TTL: variants seen among roughly 807,000 people sequenced by gnomAD.
TTL encodes the protein tubulin tyrosine ligase.
Under a neutral mutation model 41.1 loss-of-function variants are expected in TTL, and 10 were observed. That is an observed-to-expected ratio of 0.24 (90% CI 0.15 to 0.41). The LOEUF is 0.41. TTL is among the 10% of genes least tolerant of loss of function. TTL has a pLI of 1.00. For missense variants in TTL, 367 were observed against 460.4 expected (o/e 0.80, Z 1.86); for synonymous variants, 175 against 175.5 (o/e 1.00, Z 0.02).
intron 6 of TTL, among the ~76,000 whole-genome samples, chr2:112,523,411 TTC>T (rs1315549402): frequency 6.6e-5 from 10 of 151,964 alleles, no homozygotes; most frequent in African/African-American, 1.2e-4. Context: ...CTGTCATCCA[TTC>T]TCTGTCTGCC....
intron 5 of TTL, among the ~76,000 whole-genome samples, chr2:112,510,573 GC>G (rs1429377655): frequency 6.6e-6 from 1 of 152,086 alleles, no homozygotes; most frequent in African/African-American, 2.4e-5. Context: ...CTGGGTTCAA[GC>G]GATTCTCCTG....
In TTL at chr2:112,531,164, C is replaced by G. The variant is rs770278676; in HGVS notation, c.*2369C>G. 3 of 215,358 alleles carry G rather than the reference C, an allele frequency of 1.4e-5. No homozygotes were observed. Among genetic ancestry groups the G allele is most frequent in the Non-Finnish European group, 2.8e-5 (3 of 106,816 alleles). The allele number at this position is 215,358 out of a possible 1,614,324, so 13.3% of individuals were successfully genotyped here. ...CTGGCTTTATGTATTTATTTCTGTT[C>G]ATGCGGAATGATTGGTTCAGAACTG... On this transcript the variant is annotated 3_prime_UTR_variant, in exon 7 of 7. Transcript: ENST00000233336.
Position 112,482,544 on chromosome 2 carries a change from CCTGCG to C in TTL, c.157+45_157+49del. On this transcript the variant is annotated intron_variant, in intron 1 of 6. Transcript: ENST00000233336. The surrounding 1 kb of genome is among the most constrained non-coding windows in gnomAD (Gnocchi z 5.3). ...TCCCGTCTGCCCTCCTCGGAGCGGC[CCTGCG>C]CGCCTCCCGCGGCCCGTTAGAACCG... 6.5e-7 allele frequency: 1 copy of C among 1,536,738 alleles called. No homozygotes were observed. Among genetic ancestry groups the C allele is most frequent in the Non-Finnish European group, 8.8e-7 (1 of 1,138,900 alleles).
intron 6 of TTL, among the ~76,000 whole-genome samples, chr2:112,524,859 C>T (rs1682332600): frequency 6.6e-6 from 1 of 152,106 alleles, no homozygotes; most frequent in Non-Finnish European, 1.5e-5. Context: ...ACATGAAGTC[C>T]TTTCCCATGC....
chr2:112,496,184 C>G (rs1383177791), intron 3 of TTL, among the ~76,000 whole-genome samples: 1 of 152,168 alleles, frequency 6.6e-6, no homozygotes, highest in Non-Finnish European at 1.5e-5. Context: ...TGTGAGGACA[C>G]CTGGTGATCC....
chr2:112,494,847 C>T (rs1206907598), intron 3 of TTL, among the ~76,000 whole-genome samples: 3 of 152,078 alleles, frequency 2.0e-5, no homozygotes, highest in Non-Finnish European at 4.4e-5. Context: ...CTTGCCGTTT[C>T]CCCTGCTTCC....
intron 6 of TTL, among the ~76,000 whole-genome samples, chr2:112,524,159 A>T (rs973637215): frequency 6.6e-6 from 1 of 152,118 alleles, no homozygotes; most frequent in Non-Finnish European, 1.5e-5. Context: ...ATTCCATGGT[A>T]TATATGTGCC....
intron 5 of TTL, among the ~76,000 whole-genome samples, chr2:112,513,919 A>G (rs1356916070): frequency 1.3e-5 from 2 of 152,162 alleles, no homozygotes; most frequent in East Asian, 1.9e-4. Flanking sequence ...TGGTGGGTAC[A>G]TGGGGAATAA....
At chr2:112,489,045 C>T (rs1379346446) in intron 2 of TTL, among the ~76,000 whole-genome samples, 21 of 152,064 alleles carry the variant, frequency 1.4e-4, no homozygotes, top group Admixed American at 1.4e-3. Flanking sequence ...TGAGATCATG[C>T]CATTGCACTC....
chr2:112,502,448 C>G (rs1169586986), intron 4 of TTL, among the ~76,000 whole-genome samples: 2 of 152,022 alleles, frequency 1.3e-5, no homozygotes, highest in Non-Finnish European at 2.9e-5. Flanking sequence ...ACCAGCCTGG[C>G]TAACATGGTG....
At position 112,530,489 on chromosome 2, in the gene TTL, C is replaced by T. The variant is rs944602238; in HGVS notation, c.*1694C>T. 3.9e-5 allele frequency: 9 copies of T among 228,270 alleles called. No homozygotes were observed. The highest frequency in any genetic ancestry group is 5.2e-5 in the Non-Finnish European group (6 of 115,044). 14.1% of individuals were successfully genotyped at this position (228,270 alleles called of 1,614,324 possible). A position where few individuals can be genotyped will look rare whatever the true frequency, so the allele number is the denominator to read the frequency against. On this transcript the variant is annotated 3_prime_UTR_variant, in exon 7 of 7. Transcript: ENST00000233336. ...AGTCATTAATCCTTGAGGCCCAACGCAGCCGATGGGTTGGTGTTTGGGAAA... is the reference window on the plus strand; with the variant it reads ...AGTCATTAATCCTTGAGGCCCAACGTAGCCGATGGGTTGGTGTTTGGGAAA...
chr2:112,490,260 A>G (rs1681345861), intron 2 of TTL, among the ~76,000 whole-genome samples: 1 of 151,018 alleles, frequency 6.6e-6, no homozygotes, highest in Non-Finnish European at 1.5e-5. Flanking sequence ...TTCCAAATAC[A>G]AAAAAAAATT....
At chr2:112,516,856 C>T (rs10202447) in intron 5 of TTL, among the ~76,000 whole-genome samples, 4 of 152,174 alleles carry the variant, frequency 2.6e-5, no homozygotes, top group African/African-American at 7.2e-5. Context: ...AGTCCCATTT[C>T]TTCAGGGAAT....
At chr2:112,516,223 C>T (rs1486932629) in intron 5 of TTL, among the ~76,000 whole-genome samples, 1 of 152,128 alleles carries the variant, frequency 6.6e-6, no homozygotes, top group Non-Finnish European at 1.5e-5. Context: ...TTTATTCCTT[C>T]TGTAGTTGGT....
chr2:112,515,969 A>AATAAATAAAT (rs1343735951), intron 5 of TTL, among the ~76,000 whole-genome samples: 1 of 50,748 alleles, frequency 2.0e-5, no homozygotes. Flanking sequence ...TAAATAAATA[A>AATAAATAAAT]ATAAATAAAT....
At chr2:112,494,115 AG>A (rs1681463355) in intron 2 of TTL, 27 bp from the exon 3 acceptor site, 1 of 1,579,736 alleles carries the variant, frequency 6.3e-7, no homozygotes, top group African/African-American at 1.3e-5. Context: ...CTAAGAAGGG[AG>A]GCTGATCCTC....
intron 6 of TTL, among the ~76,000 whole-genome samples, chr2:112,525,997 G>T (rs1682362355): frequency 6.7e-6 from 1 of 149,966 alleles, no homozygotes; most frequent in East Asian, 2.0e-4. Context: ...TTAGCATGAA[G>T]GTTGTTGAAT....
chr2:112,525,168 G>T (rs1396013206), intron 6 of TTL, among the ~76,000 whole-genome samples: 4 of 152,182 alleles, frequency 2.6e-5, no homozygotes, highest in Non-Finnish European at 2.9e-5. Flanking sequence ...TTTGGTACCA[G>T]TACCATGCTG....
At chr2:112,511,513 T>C (rs1342408353) in intron 5 of TTL, among the ~76,000 whole-genome samples, 3 of 152,022 alleles carry the variant, frequency 2.0e-5, no homozygotes, top group African/African-American at 7.2e-5. Context: ...AGGATTGTTA[T>C]CTCTTCTTTG....
Sources: gnomAD v4.1 joint callset for allele counts (sites outside exome capture counted in the v4.1 genomes callset) on GRCh38, gnomAD v4.1.1 for gene constraint, Gnocchi (gnomAD v3.1) non-coding constraint, MANE v1.5 for transcripts, NCBI Gene and HGNC (gene_info 2026-07-23, HGNC 2026-07-21) for gene names.